The following SDC2 variants were observed in gnomAD, a reference collection of about 807,000 sequenced individuals.
The protein encoded by SDC2 is syndecan-2.
Under a neutral mutation model 22.2 loss-of-function variants are expected in SDC2, and 13 were observed. That is an observed-to-expected ratio of 0.59 (90% CI 0.38 to 0.93). The LOEUF (loss-of-function observed/expected upper bound fraction) is 0.93. SDC2 is among the 40% of genes least tolerant of loss of function. The pLI, the probability that SDC2 is intolerant of heterozygous loss-of-function variation, is 0.00. For synonymous variants in SDC2, 94 were observed against 92.8 expected (o/e 1.01, Z -0.07); for missense variants, 235 against 246.8 (o/e 0.95, Z 0.32).
intron 1 of SDC2, among the ~76,000 whole-genome samples, chr8:96,527,145 G>C (rs1304927437): frequency 6.6e-6 from 1 of 152,130 alleles, no homozygotes; most frequent in Non-Finnish European, 1.5e-5. Context: ...CACTCCACAG[G>C]GGGAAGAGGG....
intron 2 of SDC2, among the ~76,000 whole-genome samples, chr8:96,602,081 G>A (rs896428270): frequency 1.3e-5 from 2 of 152,134 alleles, no homozygotes; most frequent in Non-Finnish European, 2.9e-5. Flanking sequence ...AAATGGAAAT[G>A]GAGCACGTTT....
At chr8:96,495,889 G>A (rs1056909334) in intron 1 of SDC2, among the ~76,000 whole-genome samples, 1 of 152,190 alleles carries the variant, frequency 6.6e-6, no homozygotes, top group African/African-American at 2.4e-5. Flanking sequence ...AGCCTTATCA[G>A]TGTTTCCCTT....
intron 1 of SDC2, among the ~76,000 whole-genome samples, chr8:96,588,609 A>G (rs1166757763): frequency 1.3e-5 from 2 of 152,230 alleles, no homozygotes; most frequent in Non-Finnish European, 2.9e-5. Context: ...ACAGAAATGT[A>G]TTATTAGGCC....
intron 1 of SDC2, 30 bp from the exon 2 acceptor site, chr8:96,593,450 A>G (rs1039138512): frequency 2.0e-6 from 3 of 1,473,040 alleles, no homozygotes; most frequent in Non-Finnish European, 2.8e-6. Flanking sequence ...ATCTCTCAAC[A>G]TCCTGACTCC....
At chr8:96,544,815 T>C (rs767599414) in intron 1 of SDC2, among the ~76,000 whole-genome samples, 4 of 152,246 alleles carry the variant, frequency 2.6e-5, no homozygotes, top group Non-Finnish European at 5.9e-5. Flanking sequence ...CATATGGAGA[T>C]TACAGAGAAC....
chr8:96,586,211 AAAG>A (rs1375959923), intron 1 of SDC2, among the ~76,000 whole-genome samples: 1 of 152,232 alleles, frequency 6.6e-6, no homozygotes, highest in Non-Finnish European at 1.5e-5. Flanking sequence ...GCTTTTTAAA[AAAG>A]AGACCATGTA....
rs573108667 is a variant in SDC2 at position 96,524,679 on chromosome 8, G to A, written c.60+30348G>A. On this transcript the variant is annotated intron_variant, in intron 1 of 4. Transcript: ENST00000302190. Reference sequence around the variant, plus strand: ...AGGGTGGCTGGCGTAATGAACCAGTGCCGGAAAGCTTATTATCAACATGCT... The same window carrying A: ...AGGGTGGCTGGCGTAATGAACCAGTACCGGAAAGCTTATTATCAACATGCT... Among the ~76,000 whole-genome samples, 116 of 152,230 alleles carry A rather than the reference G, an allele frequency of 7.6e-4. 1 individual carries two copies. Among genetic ancestry groups the A allele is most frequent in the African/African-American group, 2.8e-3 (116 of 41,508 alleles).
Position 96,608,343 on chromosome 8 carries a change from A to G in SDC2, c.315A>G (p.Glu105=), listed in dbSNP as rs1401181177. Residue 105 remains glutamate, a synonymous_variant, in exon 4 of 5, where the codon GAA becomes GAG. Coordinates refer to ENST00000302190, the MANE Select transcript of SDC2 (RefSeq NM_002998.4). ...CCTGTTTCCCATACCAGTCACCTGA[A>G]GAAACTGATAAAGAGAAAGTTCACC... ...NKIPAQTKSP[E]ETDKEKVHLS... 2.5e-6 allele frequency: 4 copies of G among 1,613,034 alleles called. No individual in the cohort carries two copies. The highest frequency in any genetic ancestry group is 1.7e-5 in the Admixed American group (1 of 59,884).
chr8:96,545,032 C>G (rs1314027918), intron 1 of SDC2, among the ~76,000 whole-genome samples: 2 of 152,132 alleles, frequency 1.3e-5, no homozygotes, highest in African/African-American at 4.8e-5. Flanking sequence ...TGAGTTGGCC[C>G]CTTTTGCTCT....
At chr8:96,524,205 C>G (rs1044335759) in intron 1 of SDC2, among the ~76,000 whole-genome samples, 2 of 152,150 alleles carry the variant, frequency 1.3e-5, no homozygotes, top group African/African-American at 4.8e-5. Flanking sequence ...TGACTGTAGG[C>G]AGAAATTGCA....
intron 1 of SDC2, among the ~76,000 whole-genome samples, chr8:96,586,926 T>C (rs142177618): frequency 6.6e-5 from 10 of 152,328 alleles, no homozygotes; most frequent in Middle Eastern, 6.8e-3. Context: ...CCTTCTTTTT[T>C]TCTTTTTTGT....
At chr8:96,581,441 C>T (rs1323556410) in intron 1 of SDC2, among the ~76,000 whole-genome samples, 3 of 152,172 alleles carry the variant, frequency 2.0e-5, no homozygotes, top group Non-Finnish European at 4.4e-5. Context: ...ACCAACCTGG[C>T]CAACATGGTG....
intron 1 of SDC2, among the ~76,000 whole-genome samples, chr8:96,530,499 T>G (rs1009265730): frequency 5.3e-5 from 8 of 152,114 alleles, no homozygotes; most frequent in Admixed American, 1.3e-4. Flanking sequence ...CTGGACGTGT[T>G]AGCGGGTGCC....
intron 1 of SDC2, among the ~76,000 whole-genome samples, chr8:96,540,780 C>T (rs1586289331): frequency 6.6e-6 from 1 of 152,156 alleles, no homozygotes; most frequent in East Asian, 1.9e-4. Flanking sequence ...GGTTTTACCA[C>T]AGCGTTGAAA....
Position 96,509,543 on chromosome 8 carries a change from G to A in SDC2, c.60+15212G>A, listed in dbSNP as rs950710901. Among the ~76,000 whole-genome samples, 4 of 141,234 alleles carry A rather than the reference G, an allele frequency of 2.8e-5. 1 individual carries two copies. The highest frequency in any genetic ancestry group is 1.4e-4 in the Admixed American group (2 of 14,166). 92.7% of individuals were successfully genotyped at this position (141,234 alleles called of 152,430 possible). A position where few individuals can be genotyped will look rare whatever the true frequency, so the allele number is the denominator to read the frequency against. The stretch of plus-strand genomic sequence containing the variant: ...TAGTGGAGGGCATATTCTCCATCAC[G>A]GGTTTTCAGCCCTTGCTGCCGATTA... On this transcript the variant is annotated intron_variant, in intron 1 of 4. Coordinates refer to ENST00000302190, the MANE Select transcript of SDC2 (RefSeq NM_002998.4).
chr8:96,609,495 A>G lies in SDC2; in HGVS notation c.553A>G (p.Lys185Glu). ...AGGAAGCTATGACCTTGGAGAACGC[A>G]AACCATCCAGTGCTGCTTATCAGAA... ...DEGSYDLGER[K>E]PSSAAYQKAP... The change falls in exon 5 of 5, where the codon AAA becomes GAA. Residue 185 changes from lysine (K) to glutamate (E), a missense_variant. By Grantham distance (56) the Lys-to-Glu change is moderately conservative. Coordinates refer to ENST00000302190, the MANE Select transcript of SDC2 (RefSeq NM_002998.4). 6.2e-7 allele frequency: 1 copy of G among 1,613,064 alleles called. No individual in the cohort carries two copies. Among genetic ancestry groups the G allele is most frequent in the Non-Finnish European group, 8.5e-7 (1 of 1,179,430 alleles).
intron 1 of SDC2, among the ~76,000 whole-genome samples, chr8:96,557,868 G>T (rs1814145142): frequency 6.6e-6 from 1 of 152,122 alleles, no homozygotes; most frequent in Admixed American, 6.6e-5. Flanking sequence ...CTGTTTTGTA[G>T]CAGGAAGATC....
chr8:96,566,944 C>T (rs1236779854), intron 1 of SDC2, among the ~76,000 whole-genome samples: 1 of 152,162 alleles, frequency 6.6e-6, no homozygotes, highest in Non-Finnish European at 1.5e-5. Flanking sequence ...ACCTTTGCCT[C>T]TCAAGTTCAA....
At chr8:96,571,300 G>A (rs143299237) in intron 1 of SDC2, among the ~76,000 whole-genome samples, 15 of 152,130 alleles carry the variant, frequency 9.9e-5, no homozygotes, top group African/African-American at 3.6e-4. Flanking sequence ...AAGCATTTCA[G>A]GCAGAGGCAG....
Sources: allele counts gnomAD v4.1 joint callset (sites outside exome capture counted in the v4.1 genomes callset), GRCh38; gene constraint gnomAD v4.1.1; transcripts MANE v1.5; gene names NCBI Gene and HGNC (gene_info 2026-07-23, HGNC 2026-07-21).